The following CHD1L variants were observed in gnomAD, a reference collection of about 807,000 sequenced individuals.
CHD1L encodes the protein ATP-dependent chromatin remodeler CHD1L.
In CHD1L, 118 loss-of-function variants were observed where a neutral mutation model predicts 115.9. The observed-to-expected ratio is 1.02, with a 90% CI of 0.88 to 1.19. The LOEUF is 1.19. Ranked by LOEUF, CHD1L falls within the 50% of genes most tolerant of loss-of-function variation. CHD1L has a pLI of 0.00. For synonymous variants in CHD1L, 411 were observed against 387.1 expected (o/e 1.06, Z -0.72); for missense variants, 1,179 against 1,065.3 (o/e 1.11, Z -1.49).
Position 147,259,821 on chromosome 1 carries a change from G to C in CHD1L, c.495-16G>C. ...TTAAATTACACAAAACTGAAAGCTT[G>C]GGTTTTCTCTCACAGATTCCCTTGG... On this transcript the variant is annotated splice_polypyrimidine_tract_variant and intron_variant, in intron 5 of 22. Transcript: ENST00000369258. 6.2e-7 allele frequency: 1 copy of C among 1,605,354 alleles called. No individual in the cohort carries two copies. Among genetic ancestry groups the C allele is most frequent in the Non-Finnish European group, 8.5e-7 (1 of 1,175,352 alleles).
chr1:147,262,515 C>T (rs1191679407), intron 6 of CHD1L, among the ~76,000 whole-genome samples: 1 of 152,126 alleles, frequency 6.6e-6, no homozygotes, highest in Non-Finnish European at 1.5e-5. Context: ...GACTAGCAGC[C>T]TTGGTTTCCT....
chr1:147,255,781 TTA>T (rs782603029), intron 3 of CHD1L, 30 bp from the exon 4 acceptor site: 1 of 1,478,766 alleles, frequency 6.8e-7, no homozygotes, highest in East Asian at 2.3e-5. Flanking sequence ...GATCTAGTAT[TTA>T]TGTTTATCTA....
the CHD1L span, chr1:147,205,055 G>T: frequency 2.6e-5 from 17 of 645,402 alleles, no homozygotes; most frequent in Middle Eastern, 4.1e-4. Flanking sequence ...ATATAGTCCA[G>T]CCATACCAGA....
the CHD1L span, chr1:147,203,250 C>A: frequency 2.3e-6 from 3 of 1,314,668 alleles, no homozygotes; most frequent in Non-Finnish European, 3.2e-6. Flanking sequence ...ACAGCCTTCA[C>A]CTACAGTAAA....
At chr1:147,207,170 A>G in the CHD1L span, among the ~76,000 whole-genome samples, 1 of 152,178 alleles carries the variant, frequency 6.6e-6, no homozygotes, top group Non-Finnish European at 1.5e-5. Flanking sequence ...CTTATACAAT[A>G]TACACTGAAG....
the CHD1L span, among the ~76,000 whole-genome samples, chr1:147,192,451 C>G: frequency 2.6e-5 from 4 of 152,116 alleles, no homozygotes; most frequent in Non-Finnish European, 4.4e-5. Context: ...ATCATGTCGT[C>G]TGCAAACAGG....
At chr1:147,202,873 G>A in the CHD1L span, among the ~76,000 whole-genome samples, 1 of 151,948 alleles carries the variant, frequency 6.6e-6, no homozygotes, top group African/African-American at 2.4e-5. Context: ...TTATATATCT[G>A]GTCACCAAGC....
At chr1:147,233,484 C>T in the CHD1L span, among the ~76,000 whole-genome samples, 19 of 150,028 alleles carry the variant, frequency 1.3e-4, no homozygotes, top group Non-Finnish European at 2.7e-4. Context: ...GGGGGTCAGC[C>T]CCCCGCCCGG....
the CHD1L span, among the ~76,000 whole-genome samples, chr1:147,207,384 C>T: frequency 6.6e-6 from 1 of 152,050 alleles, no homozygotes; most frequent in Non-Finnish European, 1.5e-5. Flanking sequence ...TAGATCTGAA[C>T]ATTTTCAAAA....
intron 12 of CHD1L, chr1:147,272,580 T>C (rs1553954202): frequency 1.9e-5 from 4 of 211,976 alleles, no homozygotes; most frequent in Non-Finnish European, 3.7e-5. Flanking sequence ...ATGTTTCATT[T>C]ACATTCAGTG....
rs1683057001 is a variant in CHD1L, at chr1:147,286,178, G to A, written c.2019-120G>A. 4.3e-6 allele frequency: 4 copies of A among 939,344 alleles called. No homozygotes were observed. The South Asian group carries it at 5.2e-5, about 12-fold the overall frequency. The allele number at this position is 939,344 out of a possible 1,614,324, so 58.2% of individuals were successfully genotyped here. ...AAATAAGTAGAAAACTTCAATCAGG[G>A]TGAGTTTCTAATTGCATTTCTACTT... On this transcript the variant is annotated intron_variant, in intron 17 of 22. Transcript: ENST00000369258.
In CHD1L at chr1:147,293,700, T is replaced by C. The variant is rs782662300; in HGVS notation, c.2484T>C (p.Phe828=). 3.1e-6 allele frequency: 5 copies of C among 1,613,902 alleles called. No homozygotes were observed. The highest frequency in any genetic ancestry group is 4.2e-6 in the Non-Finnish European group (5 of 1,179,888). ...AALEEGLKKI[F]LAAKKKKASV... ...TAGAAGAGGGCCTGAAGAAGATATT[T>C]TTAGCAGCAAAAAAGAAGAAAGGTA... The change falls in exon 21 of 23, where the codon TTT becomes TTC. Residue 828 remains phenylalanine, a synonymous_variant. Transcript: ENST00000369258.
the CHD1L span, chr1:147,215,591 T>C: frequency 1.4e-5 from 8 of 555,692 alleles, no homozygotes; most frequent in African/African-American, 1.9e-5. Context: ...TTGAATATTT[T>C]TGAGGAGCAA....
At chr1:147,248,731 C>G (rs1487097472) in intron 1 of CHD1L, among the ~76,000 whole-genome samples, 2 of 151,898 alleles carry the variant, frequency 1.3e-5, no homozygotes, top group African/African-American at 4.8e-5. Context: ...GTGGTCGTTA[C>G]GGGTATTGTA....
chr1:147,174,290 C>T, the CHD1L span: 1 of 152,194 alleles, frequency 6.6e-6, no homozygotes, highest in Non-Finnish European at 1.5e-5. Context: ...CAATTCCTTA[C>T]CATAGGACAC....
chr1:147,281,381 G>T (rs1371428606), intron 15 of CHD1L, among the ~76,000 whole-genome samples: 2 of 152,064 alleles, frequency 1.3e-5, no homozygotes, highest in Admixed American at 1.3e-4. Context: ...GGTTTTGGGG[G>T]TTCATTTCTC....
the CHD1L span, chr1:147,201,292 T>G: frequency 6.2e-7 from 1 of 1,614,146 alleles, no homozygotes; most frequent in Non-Finnish European, 8.5e-7. Context: ...GGATATCTTG[T>G]TTTTGACCAC....
At chr1:147,268,185 G>A (rs587626657) in intron 9 of CHD1L, among the ~76,000 whole-genome samples, 1 of 152,142 alleles carries the variant, frequency 6.6e-6, no homozygotes, top group African/African-American at 2.4e-5. Flanking sequence ...TTTCCCCTGG[G>A]CACCGCTTTA....
At chr1:147,289,618 T>A (rs1684712351) in intron 19 of CHD1L, among the ~76,000 whole-genome samples, 1 of 152,084 alleles carries the variant, frequency 6.6e-6, no homozygotes, top group South Asian at 2.1e-4. Context: ...AACTGTGGAT[T>A]CCAATTCCCA....
Sources: allele counts gnomAD v4.1 joint callset (sites outside exome capture counted in the v4.1 genomes callset), GRCh38; gene constraint gnomAD v4.1.1; transcripts MANE v1.5; gene names NCBI Gene and HGNC (gene_info 2026-07-23, HGNC 2026-07-21).